SMC6: variants seen among roughly 807,000 people sequenced by gnomAD.
The protein encoded by SMC6 is structural maintenance of chromosomes 6.
In SMC6, 79 loss-of-function variants were observed where a neutral mutation model predicts 142.2. That is an observed-to-expected ratio of 0.56 (90% CI 0.46 to 0.67). The LOEUF (loss-of-function observed/expected upper bound fraction) is 0.67, where lower values mean the gene tolerates loss of function less well. SMC6 is among the 30% of genes least tolerant of loss of function. The pLI is 0.00. For synonymous variants in SMC6, 411 were observed against 412.4 expected, an observed-to-expected ratio of 1.00 and a Z score of 0.04; for missense variants, 1,072 against 1,284.0, an observed-to-expected ratio of 0.83 and a Z score of 2.52.
chr2:17,707,446 A>G, intron 17 of SMC6, 67 bp from the exon 18 acceptor site: 2 of 986,114 alleles, frequency 2.0e-6, no homozygotes, highest in Middle Eastern at 2.6e-4. Flanking sequence ...ACAGAATTTC[A>G]AAATGTTACT....
chr2:17,731,803 A>G lies in SMC6; in HGVS notation c.419T>C (p.Ile140Thr). 6.2e-7 allele frequency: 1 copy of G among 1,613,906 alleles called. No homozygotes were observed. The highest frequency in any genetic ancestry group is 2.2e-5 in the East Asian group (1 of 44,812). The change falls in exon 6 of 28, where the codon ATA becomes ACA. Residue 140 changes from isoleucine (I) to threonine (T), a missense_variant. Coordinates refer to ENST00000448223, the MANE Select transcript of SMC6 (RefSeq NM_001142286.2). ...AFKASVYGNS[I>T]LIQQHISIDG... ...TATGCTGATGTGTTGCTGTATAAGT[A>G]TAGAGTTACCATACACACTGGCTTT... is the stretch of plus-strand genomic sequence containing the variant.
chr2:17,737,154 CT>C (rs1036155521), intron 5 of SMC6, among the ~76,000 whole-genome samples: 4 of 151,688 alleles, frequency 2.6e-5, no homozygotes, highest in Admixed American at 6.6e-5. Flanking sequence ...ATCTTTTCTC[CT>C]TTTTTTTGAG....
rs535511474 is a variant in SMC6 at position 17,726,612 on chromosome 2, A to C, written c.544-143T>G. ...CAAAGGTTATAACGTTAGGATAAAA[A>C]TACTAAAAAAAAGTTAGAAATGTAT... On this transcript the variant is annotated intron_variant, in intron 7 of 27. Transcript: ENST00000448223. 1.9e-5 allele frequency: 11 copies of C among 575,018 alleles called. No homozygotes were observed. In the South Asian group the frequency reaches 2.9e-4, roughly 15 times the overall value. 35.6% of individuals were successfully genotyped at this position (575,018 alleles called of 1,614,324 possible). A position where few individuals can be genotyped will look rare whatever the true frequency, so the allele number is the denominator to read the frequency against.
At chr2:17,700,399 T>A (rs1402340118) in intron 20 of SMC6, 21 bp from the exon 21 acceptor site, 1 of 1,543,682 alleles carries the variant, frequency 6.5e-7, no homozygotes. Context: ...TTAAACAGCA[T>A]ATAAGGTTAA....
At chr2:17,723,423 A>G (rs1669469295) in intron 9 of SMC6, among the ~76,000 whole-genome samples, 1 of 152,078 alleles carries the variant, frequency 6.6e-6, no homozygotes, top group Admixed American at 6.5e-5. Context: ...CTCATCTCTC[A>G]CACCTGTGTT....
intron 23 of SMC6, among the ~76,000 whole-genome samples, chr2:17,691,436 T>C (rs929908740): frequency 8.2e-6 from 1 of 122,620 alleles, no homozygotes; most frequent in Non-Finnish European, 1.7e-5. Context: ...CTATTGTGAA[T>C]AGTTGCCGTT....
chr2:17,730,774 T>C (rs1669874539), intron 7 of SMC6, among the ~76,000 whole-genome samples: 1 of 151,438 alleles, frequency 6.6e-6, no homozygotes, highest in African/African-American at 2.4e-5. Context: ...AGCTAATTTT[T>C]TTTTTTTTTT....
At chr2:17,716,323 A>G in intron 14 of SMC6, 59 bp from the exon 15 acceptor site, 1 of 1,531,388 alleles carries the variant, frequency 6.5e-7, no homozygotes, top group Non-Finnish European at 8.8e-7. Flanking sequence ...GAAACATTTA[A>G]CCTTTGCCCA....
chr2:17,673,798 A>C (rs945751865), intron 25 of SMC6, among the ~76,000 whole-genome samples: 1 of 151,608 alleles, frequency 6.6e-6, no homozygotes, highest in Non-Finnish European at 1.5e-5. Flanking sequence ...CAAACTCCCC[A>C]CCTCAGATGA....
intron 23 of SMC6, among the ~76,000 whole-genome samples, chr2:17,686,225 T>C (rs568980117): frequency 6.6e-6 from 1 of 152,320 alleles, no homozygotes; most frequent in African/African-American, 2.4e-5. Flanking sequence ...TTGCTGCCTA[T>C]AATCCCAGCA....
intron 26 of SMC6, among the ~76,000 whole-genome samples, 188 bp from the exon 27 acceptor site, chr2:17,666,705 G>C (rs1471384779): frequency 1.3e-5 from 2 of 152,090 alleles, no homozygotes; most frequent in Non-Finnish European, 2.9e-5. Flanking sequence ...AAAATTGGCT[G>C]GGTGCAGTGG....
intron 17 of SMC6, among the ~76,000 whole-genome samples, chr2:17,707,653 T>A (rs1182898106): frequency 6.6e-6 from 1 of 152,124 alleles, no homozygotes; most frequent in Non-Finnish European, 1.5e-5. Flanking sequence ...TATTGCTATC[T>A]ATTTAAAAGT....
chr2:17,708,036 T>C (rs917015872), intron 17 of SMC6, among the ~76,000 whole-genome samples: 2 of 151,518 alleles, frequency 1.3e-5, no homozygotes, highest in African/African-American at 4.8e-5. Context: ...ATTTGAGTTA[T>C]CTAGACCCTT....
chr2:17,751,502 A>T (rs1485009525), intron 2 of SMC6, among the ~76,000 whole-genome samples: 1 of 152,058 alleles, frequency 6.6e-6, no homozygotes, highest in Non-Finnish European at 1.5e-5. Context: ...AAAAGAAAGA[A>T]AGAAAACACT....
chr2:17,719,525 G>A (rs947544736), intron 11 of SMC6, among the ~76,000 whole-genome samples: 4 of 152,166 alleles, frequency 2.6e-5, no homozygotes, highest in African/African-American at 9.7e-5. Flanking sequence ...CTAGCCTTAT[G>A]ATCCTCCTTT....
chr2:17,744,936 T>C (rs1670662531), intron 3 of SMC6, among the ~76,000 whole-genome samples: 1 of 152,216 alleles, frequency 6.6e-6, no homozygotes, highest in South Asian at 2.1e-4. Context: ...CCATTAATTA[T>C]GACGTATAAT....
At chr2:17,692,357 G>GC (rs1667772080) in intron 23 of SMC6, among the ~76,000 whole-genome samples, 1 of 152,132 alleles carries the variant, frequency 6.6e-6, no homozygotes, top group Non-Finnish European at 1.5e-5. Flanking sequence ...CCAAAACAGA[G>GC]ATATAGACCA....
intron 15 of SMC6, among the ~76,000 whole-genome samples, chr2:17,715,619 A>G (rs1282042623): frequency 6.6e-6 from 1 of 152,178 alleles, no homozygotes; most frequent in Non-Finnish European, 1.5e-5. Context: ...CGTGACTAAA[A>G]AAAATTTTTT....
chr2:17,673,715 A>G (rs1158013451), intron 25 of SMC6, among the ~76,000 whole-genome samples: 1 of 151,726 alleles, frequency 6.6e-6, no homozygotes, highest in East Asian at 1.9e-4. Flanking sequence ...GATTACAGGC[A>G]TGTGCCACCA....
Sources: allele counts gnomAD v4.1 joint callset (sites outside exome capture counted in the v4.1 genomes callset), GRCh38; gene constraint gnomAD v4.1.1; transcripts MANE v1.5; gene names NCBI Gene and HGNC (gene_info 2026-07-23, HGNC 2026-07-21).